ARVCF: variants seen among roughly 807,000 people sequenced by gnomAD.
ARVCF encodes the protein ARVCF delta catenin family member, also known as splicing regulator ARVCF.
ARVCF carries 66 observed loss-of-function variants against 90.9 expected under a neutral mutation model. That is an observed-to-expected ratio of 0.73 (90% confidence interval 0.60 to 0.89). The LOEUF is 0.89. Ranked by LOEUF, ARVCF falls within the 40% of genes least tolerant of loss-of-function variation. ARVCF has a pLI of 0.00. For missense variants in ARVCF, 1,469 were observed against 1,382.3 expected (o/e 1.06, Z -1.00); for synonymous variants, 653 against 603.4 (o/e 1.08, Z -1.21).
intron 2 of ARVCF, among the ~76,000 whole-genome samples, chr22:20,002,608 T>C (rs1944484507): frequency 1.3e-5 from 2 of 152,188 alleles, no homozygotes; most frequent in Admixed American, 6.5e-5. Flanking sequence ...AGCCCTGGAC[T>C]ACCCAGAGAA....
In ARVCF at chr22:20,010,483, G is replaced by A. The variant is rs796228553; in HGVS notation, c.-47C>T. The stretch of plus-strand genomic sequence containing the variant: ...TCTTGAGGGAAGATCAGCATGTCCC[G>A]ACACCCACCCTGCAGGCTCTGGCTC... On this transcript the variant is annotated 5_prime_UTR_variant, in exon 2 of 20. Transcript: ENST00000263207. The A allele has an allele frequency of 1.2e-4, 19 of 152,306 alleles. No individual in the cohort carries two copies. The highest frequency in any genetic ancestry group is 4.1e-4 in the African/African-American group (17 of 41,538). The allele number at this position is 152,306 out of a possible 1,614,324, so 9.4% of individuals were successfully genotyped here.
At chr22:20,011,235 C>G (rs1006051124) in intron 1 of ARVCF, among the ~76,000 whole-genome samples, 3 of 152,186 alleles carry the variant, frequency 2.0e-5, no homozygotes, top group Admixed American at 2.0e-4. Context: ...AGCTAATGGC[C>G]CCGGGGACAC....
At chr22:19,994,825 G>A (rs1374392108) in intron 2 of ARVCF, among the ~76,000 whole-genome samples, 1 of 151,464 alleles carries the variant, frequency 6.6e-6, no homozygotes, top group Non-Finnish European at 1.5e-5. Context: ...ATGGATGGGT[G>A]GGTAGGAGGA....
intron 3 of ARVCF, chr22:19,986,615 G>C (rs1943782098): frequency 6.4e-6 from 1 of 156,046 alleles, no homozygotes; most frequent in South Asian, 2.0e-4. Context: ...GTGTGGAGGG[G>C]AGAGGAGGAA....
chr22:20,009,739 A>G (rs1424154465), intron 2 of ARVCF, among the ~76,000 whole-genome samples: 1 of 152,212 alleles, frequency 6.6e-6, no homozygotes, highest in African/African-American at 2.4e-5. Context: ...CAACCCTGCC[A>G]TGCTTCCCAG....
downstream of ARVCF, chr22:19,968,814 C>A: frequency 7.1e-7 from 1 of 1,405,548 alleles, no homozygotes. Context: ...TGCTGACCTT[C>A]TGCGGCTCCG....
Position 19,973,101 on chromosome 22 carries a change from G to T in ARVCF, c.2438+18C>A. On this transcript the variant is annotated intron_variant, in intron 14 of 19. Coordinates refer to ENST00000263207, the MANE Select transcript of ARVCF (RefSeq NM_001670.3). ...CACCTCCGCGGCTCCCCAAGCCACCGACCCCGCCCCTCCACACCTGGAGGC... is the reference window on the plus strand; with the variant it reads ...CACCTCCGCGGCTCCCCAAGCCACCTACCCCGCCCCTCCACACCTGGAGGC... The T allele has an allele frequency of 9.0e-7, 1 of 1,105,610 alleles. No individual in the cohort carries two copies. 68.5% of individuals were successfully genotyped at this position (1,105,610 alleles called of 1,614,324 possible).
At chr22:19,989,567 C>A (rs1295560303) in intron 3 of ARVCF, among the ~76,000 whole-genome samples, 1 of 152,158 alleles carries the variant, frequency 6.6e-6, no homozygotes, top group Non-Finnish European at 1.5e-5. Flanking sequence ...GGCCAGGCTG[C>A]CCCAAGCTCC....
chr22:19,971,394 G>A, intron 18 of ARVCF, 59 bp from the exon 19 acceptor site: 1 of 1,515,620 alleles, frequency 6.6e-7, no homozygotes, highest in East Asian at 2.4e-5. Flanking sequence ...GAGCTCCTGG[G>A]GGGACAGGGC....
downstream of ARVCF, among the ~76,000 whole-genome samples, chr22:19,966,464 CAG>C (rs1569135877): frequency 6.0e-5 from 9 of 148,982 alleles, no homozygotes; most frequent in African/African-American, 2.2e-4. Flanking sequence ...AAGAAAAAGA[CAG>C]AGTCTTGCTC....
chr22:19,976,279 T>G (rs1378139914), intron 10 of ARVCF, among the ~76,000 whole-genome samples: 3 of 152,166 alleles, frequency 2.0e-5, no homozygotes, highest in African/African-American at 7.2e-5. Context: ...TGCACACGTC[T>G]GTGACAGTGA....
In ARVCF at chr22:19,973,291, G is replaced by A. The variant is rs372539946; in HGVS notation, c.2266C>T (p.Arg756Trp). Reference sequence around the variant, plus strand: ...GGAGCCTGTGCATTGCGCACATTCCGCACAAGCTCAGCCATGGCGTAGCTC... The same window carrying A: ...GGAGCCTGTGCATTGCGCACATTCCACACAAGCTCAGCCATGGCGTAGCTC... ...IGSYAMAELV[R>W]NVRNAQAPPR... The change falls in exon 14 of 20, where the codon CGG (arginine) becomes TGG (tryptophan). Residue 756 changes from arginine to tryptophan, a missense_variant. Arg to Trp is a moderately radical substitution (Grantham distance 101). Transcript: ENST00000263207. The A allele has an allele frequency of 1.7e-5, 28 of 1,604,316 alleles. No homozygotes were observed. Among genetic ancestry groups the A allele is most frequent in the Non-Finnish European group, 2.2e-5 (26 of 1,178,162 alleles).
intron 2 of ARVCF, among the ~76,000 whole-genome samples, chr22:19,999,475 A>G (rs971812296): frequency 7.9e-5 from 12 of 152,258 alleles, no homozygotes; most frequent in East Asian, 1.9e-4. Context: ...TGCACCCCCA[A>G]TGGAGGCCCT....
At position 19,974,123 on chromosome 22, in the gene ARVCF, C is replaced by T. The variant is rs1943011386; in HGVS notation, c.2077G>A (p.Gly693Ser). The T allele has an allele frequency of 1.9e-6, 3 of 1,610,438 alleles. No individual in the cohort carries two copies. The highest frequency in any genetic ancestry group is 1.1e-5 in the South Asian group (1 of 90,944). ...ACCTGGTCCCTCACCATCCAGTTGCCGGCACTGAGGTTCTGCAGAGCGCCG... is the reference window on the plus strand; with the variant it reads ...ACCTGGTCCCTCACCATCCAGTTGCTGGCACTGAGGTTCTGCAGAGCGCCG... ...AAGALQNLSAGNWMWATYIRA... is the reference protein window; with the variant it reads ...AAGALQNLSASNWMWATYIRA... The change falls in exon 12 of 20, where the codon GGC becomes AGC. Residue 693 changes from glycine to serine, a missense_variant. Transcript: ENST00000263207.
rs1255603322 is a variant in ARVCF, at chr22:19,971,940, C to T, written c.2727G>A (p.Arg909=). Residue 909 remains arginine, a synonymous_variant, in exon 18 of 20, where the codon CGG becomes CGA. Transcript: ENST00000263207. ...CTGCAGAGCTGGCGCCCCGTGGCCTCCGCTCCCTCCGGTCCACCGTGGAGT... is the reference window on the plus strand; with the variant it reads ...CTGCAGAGCTGGCGCCCCGTGGCCTTCGCTCCCTCCGGTCCACCGTGGAGT... ...DGYSTVDRRE[R]RPRGASSAGE... 1 of 1,612,612 alleles carries T rather than the reference C, an allele frequency of 6.2e-7. No individual in the cohort carries two copies. Among genetic ancestry groups the T allele is most frequent in the Non-Finnish European group, 8.5e-7 (1 of 1,179,632 alleles).
At chr22:19,975,443 C>T (rs1693819886) in intron 11 of ARVCF, among the ~76,000 whole-genome samples, 1 of 152,210 alleles carries the variant, frequency 6.6e-6, no homozygotes, top group African/African-American at 2.4e-5. Context: ...AGCCCTCGGC[C>T]TCTCTGTGCC....
downstream of ARVCF, chr22:19,967,844 T>C (rs2146194032): frequency 4.8e-6 from 1 of 207,658 alleles, no homozygotes; most frequent in Non-Finnish European, 9.9e-6. Context: ...AACCCTTTTC[T>C]GATAGCATAG....
chr22:19,974,335 G>A, intron 11 of ARVCF, 96 bp from the exon 12 acceptor site: 1 of 1,423,152 alleles, frequency 7.0e-7, no homozygotes, highest in Non-Finnish European at 9.3e-7. Context: ...CAGGGCGTGG[G>A]TGAGCTGGGG....
At position 19,979,773 on chromosome 22, in the gene ARVCF, G is replaced by A. The variant is rs779678470; in HGVS notation, c.1366C>T (p.Arg456Trp). ...PALVRLLRAA[R>W]DNEVRELVTG... ...ACAAGCTCACGGACCTCGTTGTCCC[G>A]GGCAGCCCTCAGCAGGCGCACCAGG... The change falls in exon 6 of 20, where the codon CGG (arginine) becomes TGG (tryptophan). Residue 456 changes from arginine to tryptophan, a missense_variant. Physicochemically the swap from Arg to Trp is moderately radical, Grantham distance 101. Transcript: ENST00000263207. 1.1e-5 allele frequency: 17 copies of A among 1,606,540 alleles called. No homozygotes were observed. Among genetic ancestry groups the A allele is most frequent in the African/African-American group, 6.7e-5 (5 of 74,812 alleles).
Sources: gnomAD v4.1 joint callset for allele counts (sites outside exome capture counted in the v4.1 genomes callset) on GRCh38, gnomAD v4.1.1 for gene constraint, MANE v1.5 for transcripts, NCBI Gene and HGNC (gene_info 2026-07-23, HGNC 2026-07-21) for gene names.